The following TASP1 variants were observed in gnomAD, a reference collection of about 807,000 sequenced individuals.
The protein encoded by TASP1 is taspase 1.
TASP1 carries 16 observed loss-of-function variants against 56.6 expected under a neutral mutation model. That is an observed-to-expected ratio of 0.28 (90% CI 0.19 to 0.43). The LOEUF is 0.43. TASP1 is among the 20% of genes least tolerant of loss of function. The pLI is 1.00. For missense variants in TASP1, 393 were observed against 511.6 expected (o/e 0.77, Z 2.24); for synonymous variants, 179 against 184.2 (o/e 0.97, Z 0.23).
the TASP1 span, among the ~76,000 whole-genome samples, chr20:13,123,330 A>T: frequency 3.5e-5 from 3 of 86,728 alleles, no homozygotes. Context: ...GACTCTGTCT[A>T]AAAAAAAAAA....
chr20:13,239,651 T>C, the TASP1 span: 2 of 152,192 alleles, frequency 1.3e-5, no homozygotes, highest in Admixed American at 1.3e-4. Flanking sequence ...GCTTCATCTG[T>C]GCTCCAACCC....
intron 11 of TASP1, among the ~76,000 whole-genome samples, chr20:13,452,529 C>CAT (rs1442375487): frequency 6.6e-6 from 1 of 151,350 alleles, no homozygotes; most frequent in Non-Finnish European, 1.5e-5. Flanking sequence ...TATACAAATT[C>CAT]ATATATATAC....
chr20:13,527,536 A>G (rs1159583175), intron 10 of TASP1, among the ~76,000 whole-genome samples: 4 of 152,162 alleles, frequency 2.6e-5, no homozygotes, highest in Non-Finnish European at 4.4e-5. Flanking sequence ...GGCATGATTA[A>G]AGTATGGAAA....
the TASP1 span, among the ~76,000 whole-genome samples, chr20:13,206,357 G>C: frequency 0.16 from 24,814 of 152,132 alleles, 2,409 homozygotes; most frequent in Non-Finnish European, 0.22. Flanking sequence ...GGTACAAAAG[G>C]TAAGTTCAGG....
chr20:13,588,108 A>G (rs2047373873), intron 4 of TASP1, among the ~76,000 whole-genome samples: 1 of 152,150 alleles, frequency 6.6e-6, no homozygotes, highest in African/African-American at 2.4e-5. Flanking sequence ...CAGAGTTAAC[A>G]TTATAATTAA....
intron 7 of TASP1, among the ~76,000 whole-genome samples, chr20:13,565,996 T>G (rs1343773935): frequency 6.6e-6 from 1 of 152,170 alleles, no homozygotes; most frequent in Non-Finnish European, 1.5e-5. Context: ...ATACATACAA[T>G]GAAACACTAT....
the TASP1 span, among the ~76,000 whole-genome samples, chr20:13,122,230 C>G: frequency 6.6e-6 from 1 of 152,242 alleles, no homozygotes; most frequent in Non-Finnish European, 1.5e-5. Context: ...CATCCCTGCT[C>G]TCAAGGAAGT....
intron 8 of TASP1, among the ~76,000 whole-genome samples, chr20:13,549,467 G>GT (rs1200696257): frequency 6.6e-6 from 1 of 151,522 alleles, no homozygotes; most frequent in African/African-American, 2.4e-5. Context: ...CACACATTTG[G>GT]TTTTTTTAAT....
intron 7 of TASP1, among the ~76,000 whole-genome samples, chr20:13,566,342 C>T (rs1436197161): frequency 6.6e-6 from 1 of 151,742 alleles, no homozygotes; most frequent in African/African-American, 2.4e-5. Context: ...GTGTATTTTA[C>T]CATAATTTTA....
the TASP1 span, among the ~76,000 whole-genome samples, chr20:13,114,517 T>C: frequency 1.3e-5 from 2 of 152,210 alleles, no homozygotes; most frequent in East Asian, 1.9e-4. Flanking sequence ...CTAAAACAAA[T>C]ACATATATAA....
chr20:13,498,365 G>T (rs1411320197), intron 10 of TASP1, among the ~76,000 whole-genome samples: 3 of 148,630 alleles, frequency 2.0e-5, no homozygotes, highest in Admixed American at 6.8e-5. Context: ...GTGTGTGTGT[G>T]TGTGTGTGTG....
chr20:13,600,229 G>A (rs1220333630), intron 4 of TASP1, among the ~76,000 whole-genome samples: 6 of 152,156 alleles, frequency 3.9e-5, no homozygotes, highest in East Asian at 3.9e-4. Flanking sequence ...TATAAATTCC[G>A]GCAGTCTTTC....
intron 5 of TASP1, among the ~76,000 whole-genome samples, chr20:13,581,222 C>T (rs745960584): frequency 7.2e-5 from 11 of 152,126 alleles, no homozygotes; most frequent in Admixed American, 3.9e-4. Context: ...TGTTTTGTCA[C>T]GTGCTATAGA....
At chr20:13,606,692 A>G (rs2048169296) in intron 4 of TASP1, among the ~76,000 whole-genome samples, 2 of 151,794 alleles carry the variant, frequency 1.3e-5, no homozygotes, top group South Asian at 4.2e-4. Context: ...CTGTAGTCCC[A>G]GCTACTCGGG....
intron 4 of TASP1, among the ~76,000 whole-genome samples, chr20:13,599,233 G>A (rs1055207858): frequency 3.9e-5 from 6 of 152,134 alleles, no homozygotes; most frequent in East Asian, 1.9e-4. Flanking sequence ...GCACACATAC[G>A]TTTATTTCAG....
the TASP1 span, among the ~76,000 whole-genome samples, chr20:13,266,767 G>C: frequency 6.6e-6 from 1 of 152,116 alleles, no homozygotes; most frequent in Non-Finnish European, 1.5e-5. Flanking sequence ...AAGAATGTTT[G>C]CTTGCCTGAA....
intron 12 of TASP1, among the ~76,000 whole-genome samples, chr20:13,422,895 T>C (rs2042494168): frequency 6.6e-6 from 1 of 152,178 alleles, no homozygotes; most frequent in Non-Finnish European, 1.5e-5. Context: ...GAAATGCTGA[T>C]TCATGGATTA....
intron 11 of TASP1, among the ~76,000 whole-genome samples, chr20:13,446,439 GTTC>G (rs2043413498): frequency 6.6e-6 from 1 of 152,062 alleles, no homozygotes; most frequent in Non-Finnish European, 1.5e-5. Context: ...TTAAATTACT[GTTC>G]TTCTAAGAAA....
the TASP1 span, among the ~76,000 whole-genome samples, chr20:13,124,318 G>A: frequency 6.6e-6 from 1 of 151,896 alleles, no homozygotes; most frequent in Admixed American, 6.6e-5. Context: ...AAGGGGGGAG[G>A]GGGAGAAGAA....
Sources: gnomAD v4.1 joint callset for allele counts (sites outside exome capture counted in the v4.1 genomes callset) on GRCh38, gnomAD v4.1.1 for gene constraint, MANE v1.5 for transcripts, NCBI Gene and HGNC (gene_info 2026-07-23, HGNC 2026-07-21) for gene names.